Variants in FHIT observed in about 807,000 individuals in gnomAD.
FHIT encodes fragile histidine triad diadenosine triphosphatase.
FHIT carries 19 observed loss-of-function variants against 17.9 expected under a neutral mutation model. The ratio of observed to expected loss-of-function variants is 1.06; its 90% CI spans 0.74 to 1.56. The LOEUF is 1.56. Among genes scored for constraint, FHIT ranks in the 40% most tolerant of loss-of-function variants. The pLI is 0.00. For synonymous variants in FHIT, 81 were observed against 69.7 expected, an observed-to-expected ratio of 1.16 and a Z score of -0.81; for missense variants, 248 against 189.2, an observed-to-expected ratio of 1.31 and a Z score of -1.82.
rs17063678 is a variant in FHIT at position 60,632,370 on chromosome 3, C to T, written c.-17-95391G>A. 2.7e-3 allele frequency among the ~76,000 whole-genome samples: 405 copies of T among 152,216 alleles called. 10 individuals are homozygous for T. The East Asian group carries it at 0.056, about 21-fold the overall frequency. ...TGTTTCTACACCTGTACTTCTCTTCCGAACAACTATCTTAGCTCCAAGTTG... is the reference window on the plus strand; with the variant it reads ...TGTTTCTACACCTGTACTTCTCTTCTGAACAACTATCTTAGCTCCAAGTTG... On this transcript the variant is annotated intron_variant, in intron 4 of 9. Transcript: ENST00000492590.
chr3:60,546,287 C>G (rs1265759616), intron 4 of FHIT, among the ~76,000 whole-genome samples: 5 of 152,076 alleles, frequency 3.3e-5, no homozygotes, highest in Admixed American at 6.6e-5. Context: ...GTTTTTCTCT[C>G]CCCATGAGTA....
intron 8 of FHIT, among the ~76,000 whole-genome samples, chr3:59,826,495 T>G (rs949193551): frequency 6.6e-6 from 1 of 152,254 alleles, no homozygotes; most frequent in African/African-American, 2.4e-5. Flanking sequence ...CCTCTCACCA[T>G]CTACTCACTG....
intron 1 of FHIT, among the ~76,000 whole-genome samples, chr3:61,244,903 C>A (rs1157399965): frequency 6.6e-6 from 1 of 152,106 alleles, no homozygotes; most frequent in East Asian, 1.9e-4. Context: ...ATAAAACTTA[C>A]GTTAAATAAA....
intron 8 of FHIT, among the ~76,000 whole-genome samples, chr3:59,874,645 C>T (rs1703071524): frequency 6.6e-6 from 1 of 151,320 alleles, no homozygotes; most frequent in African/African-American, 2.4e-5. Flanking sequence ...CAGGAGACTT[C>T]ATCCGGCTGC....
intron 3 of FHIT, among the ~76,000 whole-genome samples, chr3:60,859,731 T>A (rs938336283): frequency 1.1e-4 from 1 of 9,188 alleles, no homozygotes; most frequent in African/African-American, 2.3e-4. Context: ...CGATTTTTTT[T>A]TTTTTTTTTT....
intron 3 of FHIT, among the ~76,000 whole-genome samples, chr3:60,880,943 T>G (rs1553757846): frequency 6.6e-6 from 1 of 152,174 alleles, no homozygotes; most frequent in Non-Finnish European, 1.5e-5. Flanking sequence ...AATAATAACC[T>G]TGAATGTTAA....
At position 60,861,213 on chromosome 3, in the gene FHIT, T is replaced by C. The variant is rs200510524; in HGVS notation, c.-110-39202A>G. Among the ~76,000 whole-genome samples, 41 of 9,900 alleles carry C rather than the reference T, an allele frequency of 4.1e-3. 5 individuals carry two copies. Among genetic ancestry groups the C allele is most frequent in the Non-Finnish European group, 0.016 (37 of 2,382 alleles). 6.5% of individuals were successfully genotyped at this position (9,900 alleles called of 152,430 possible). A position where few individuals can be genotyped will look rare whatever the true frequency, so the allele number is the denominator to read the frequency against. On this transcript the variant is annotated intron_variant, in intron 3 of 9. Transcript: ENST00000492590. ...TATATATCATATATGATATATATGA[T>C]ATATATGATATATATGATATATCAT...
At chr3:60,126,565 T>A (rs1291887232) in intron 5 of FHIT, among the ~76,000 whole-genome samples, 1 of 152,152 alleles carries the variant, frequency 6.6e-6, no homozygotes, top group Non-Finnish European at 1.5e-5. Context: ...TATCATCATC[T>A]CTGTTTTTCA....
At chr3:60,205,655 T>C (rs1032462965) in intron 5 of FHIT, among the ~76,000 whole-genome samples, 1 of 152,110 alleles carries the variant, frequency 6.6e-6, no homozygotes, top group Non-Finnish European at 1.5e-5. Flanking sequence ...GGGAATGGGA[T>C]AGTACCGAGT....
At chr3:60,569,320 G>A (rs931110169) in intron 4 of FHIT, among the ~76,000 whole-genome samples, 5 of 152,078 alleles carry the variant, frequency 3.3e-5, no homozygotes, top group African/African-American at 7.2e-5. Flanking sequence ...GGACACTGGC[G>A]TGGTTTATTT....
At chr3:61,002,629 T>C (rs912326132) in intron 3 of FHIT, among the ~76,000 whole-genome samples, 1 of 152,132 alleles carries the variant, frequency 6.6e-6, no homozygotes, top group African/African-American at 2.4e-5. Flanking sequence ...TCCCCCAGCC[T>C]CTAGTGACCA....
intron 5 of FHIT, among the ~76,000 whole-genome samples, chr3:60,449,131 G>T (rs909992517): frequency 6.6e-6 from 1 of 152,134 alleles, no homozygotes; most frequent in Non-Finnish European, 1.5e-5. Context: ...TTACTGTTTA[G>T]ACCAAGTATC....
chr3:59,761,114 T>C (rs1002479006), intron 8 of FHIT, among the ~76,000 whole-genome samples: 2 of 152,190 alleles, frequency 1.3e-5, no homozygotes, highest in Admixed American at 1.3e-4. Flanking sequence ...TGTAAGGGAT[T>C]GGAACGATCT....
At chr3:60,175,719 CT>C (rs1701639923) in intron 5 of FHIT, among the ~76,000 whole-genome samples, 1 of 152,082 alleles carries the variant, frequency 6.6e-6, no homozygotes, top group Admixed American at 6.6e-5. Context: ...ACACCTCTAC[CT>C]CCTCTAAAAA....
At chr3:61,065,907 GGGT>G (rs1423763195) in intron 2 of FHIT, among the ~76,000 whole-genome samples, 1 of 152,114 alleles carries the variant, frequency 6.6e-6, no homozygotes, top group Non-Finnish European at 1.5e-5. Context: ...CATTCCTAGA[GGGT>G]GACTGTCTTA....
chr3:60,532,268 T>C (rs985008500), intron 5 of FHIT, among the ~76,000 whole-genome samples: 2 of 152,148 alleles, frequency 1.3e-5, no homozygotes, highest in African/African-American at 4.8e-5. Context: ...AATGCAGAGA[T>C]CAATACACTC....
intron 5 of FHIT, among the ~76,000 whole-genome samples, chr3:60,114,489 C>CTTTTTTTTTTTTTTTTTT (rs1576129465): frequency 2.6e-4 from 16 of 61,600 alleles, no homozygotes; most frequent in African/African-American, 6.9e-4. Context: ...AAGAGAAATC[C>CTTTTTTTTTTTTTTTTTT]TTTTTTTTTT....
intron 5 of FHIT, among the ~76,000 whole-genome samples, chr3:60,094,936 G>A (rs1012273074): frequency 2.6e-5 from 4 of 152,154 alleles, no homozygotes; most frequent in Non-Finnish European, 4.4e-5. Flanking sequence ...AACTCTGAAC[G>A]GACTTGAATT....
chr3:59,981,463 C>G (rs1451707057), intron 7 of FHIT, among the ~76,000 whole-genome samples: 1 of 152,130 alleles, frequency 6.6e-6, no homozygotes, highest in Non-Finnish European at 1.5e-5. Flanking sequence ...GAACTGTGCT[C>G]TCTGATTTCC....
Sources: allele counts gnomAD v4.1 joint callset (sites outside exome capture counted in the v4.1 genomes callset), GRCh38; gene constraint gnomAD v4.1.1; transcripts MANE v1.5; gene names NCBI Gene and HGNC (gene_info 2026-07-23, HGNC 2026-07-21).